The following ZNF517 variants were observed in gnomAD, a reference collection of about 807,000 sequenced individuals.
The protein encoded by ZNF517 is zinc finger protein 517.
Under a neutral mutation model 12.1 loss-of-function variants are expected in ZNF517, and 12 were observed. The ratio of observed to expected loss-of-function variants is 0.99; its 90% CI spans 0.63 to 1.61. The LOEUF (loss-of-function observed/expected upper bound fraction) is 1.61. Ranked by LOEUF, ZNF517 falls within the 40% of genes most tolerant of loss-of-function variation. The probability of loss-of-function intolerance (pLI) is 0.00; values close to 1 mark genes in which losing one functional copy is unlikely to be tolerated. For synonymous variants in ZNF517, 388 were observed against 310.2 expected (o/e 1.25, Z -2.63); for missense variants, 781 against 693.2 (o/e 1.13, Z -1.42).
intron 1 of ZNF517, chr8:144,800,479 T>TA (rs1458732968): frequency 3.8e-5 from 37 of 985,264 alleles, no homozygotes; most frequent in Non-Finnish European, 8.4e-6. Flanking sequence ...TTGCAGTTCT[T>TA]ACCAGAGTGG....
At position 144,803,708 on chromosome 8, in the gene ZNF517, A is replaced by G. The variant is rs746439504; in HGVS notation, c.101A>G (p.Asp34Gly). 3.0e-5 allele frequency: 49 copies of G among 1,614,002 alleles called. 1 individual carries two copies. Among genetic ancestry groups the G allele is most frequent in the Middle Eastern group, 1.6e-4 (1 of 6,082 alleles). Residue 34 changes from aspartate (D) to glycine (G), a missense_variant, in exon 3 of 5, where the codon GAC (aspartate) becomes GGC (glycine). Transcript: ENST00000359971. ...ATAGAGTGGAGTTGCCTGGCCCCCG[A>G]CCAGCAGGCACTCTACAGGGACGTG... ...TRIEWSCLAP[D>G]QQALYRDVML...
At chr8:144,810,317 G>A (rs1827514489), downstream of ZNF517, 7 of 562,050 alleles carry the variant, frequency 1.2e-5, no homozygotes, top group South Asian at 1.5e-4. Context: ...ACTCCATGAT[G>A]GGGGTGGGAA....
In ZNF517 at chr8:144,808,059, C is replaced by CCTG. The variant is rs745770451; in HGVS notation, c.1154_1156dup (p.Leu385dup). The stretch of plus-strand genomic sequence containing the variant: ...GCGGGAGGCCGTTCCGACACAACTC[C>CCTG]CTGCTGCTGCTGCACCTGCGCCTAC... On this transcript the variant is annotated inframe_insertion, in exon 5 of 5. Coordinates refer to ENST00000359971, the MANE Select transcript of ZNF517 (RefSeq NM_213605.3). The CCTG allele has an allele frequency of 2.7e-5, 44 of 1,607,532 alleles. No individual in the cohort carries two copies. The highest frequency in any genetic ancestry group is 8.0e-5 in the African/African-American group (6 of 74,750).
chr8:144,803,581 T>C, intron 2 of ZNF517, 60 bp from the exon 3 acceptor site: 1 of 1,599,526 alleles, frequency 6.3e-7, no homozygotes, highest in Non-Finnish European at 8.5e-7. Flanking sequence ...CAAATGTTTC[T>C]CATCTGCTGG....
chr8:144,810,994 C>T (rs1162853383), downstream of ZNF517: 4 of 151,738 alleles, frequency 2.6e-5, no homozygotes, highest in Non-Finnish European at 5.9e-5. Flanking sequence ...AACAGCCAGC[C>T]CAGGTTGAGT....
At chr8:144,812,905 A>G (rs1476991307), downstream of ZNF517, among the ~76,000 whole-genome samples, 1 of 152,218 alleles carries the variant, frequency 6.6e-6, no homozygotes, top group African/African-American at 2.4e-5. Context: ...AAGTTGCAGG[A>G]TACAAAATTA....
downstream of ZNF517, among the ~76,000 whole-genome samples, chr8:144,812,237 A>G (rs376155524): frequency 4.0e-4 from 44 of 110,344 alleles, no homozygotes; most frequent in Admixed American, 1.1e-3. Flanking sequence ...GACAGGGACA[A>G]TAAAGCTCAG....
At chr8:144,803,351 C>G in intron 2 of ZNF517, 1 of 479,360 alleles carries the variant, frequency 2.1e-6, no homozygotes. Flanking sequence ...TGCTCCTTCC[C>G]CAAATCCCTG....
Position 144,803,623 on chromosome 8 carries a change from C to CA in ZNF517, c.34-17dup, listed in dbSNP as rs751738319. 1 of 1,613,432 alleles carries CA rather than the reference C, an allele frequency of 6.2e-7. No homozygotes were observed. Among genetic ancestry groups the CA allele is most frequent in the African/African-American group, 1.3e-5 (1 of 74,910 alleles). The stretch of plus-strand genomic sequence containing the variant: ...ACCGAGCCCTTGACTGCCTGGATAG[C>CA]AGAGTATGTGGTTGCAGGAGGCGGT... On this transcript the variant is annotated splice_polypyrimidine_tract_variant and intron_variant, in intron 2 of 4. Transcript: ENST00000359971.
chr8:144,803,573 A>G (rs963173683), intron 2 of ZNF517, 68 bp from the exon 3 acceptor site: 17 of 1,591,214 alleles, frequency 1.1e-5, no homozygotes, highest in Admixed American at 3.4e-5. Flanking sequence ...AGATCATGCA[A>G]ATGTTTCTCA....
intron 1 of ZNF517, among the ~76,000 whole-genome samples, chr8:144,801,848 T>TAGTA (rs1826978198): frequency 6.6e-6 from 1 of 151,884 alleles, no homozygotes; most frequent in African/African-American, 2.4e-5. Flanking sequence ...CTGGGCAACA[T>TAGTA]AGTAAGACCT....
intron 4 of ZNF517, among the ~76,000 whole-genome samples, chr8:144,805,716 C>T (rs963724756): frequency 1.3e-5 from 2 of 151,578 alleles, no homozygotes; most frequent in African/African-American, 4.8e-5. Context: ...CCCGGGTTCA[C>T]GCCATTCTTC....
downstream of ZNF517, among the ~76,000 whole-genome samples, chr8:144,813,427 CAT>C (rs1468954706): frequency 5.3e-5 from 8 of 151,868 alleles, no homozygotes; most frequent in African/African-American, 1.9e-4. Context: ...AAAGTCATCT[CAT>C]GTTCATGGAT....
Position 144,808,531 on chromosome 8 carries a change from G to C in ZNF517, c.*136G>C. ...AAGGGCCAGCTCCCATCAGGAGCTC[G>C]GCTTCTTGCTCCAGCCGGGCACTGG... On this transcript the variant is annotated 3_prime_UTR_variant, in exon 5 of 5. Coordinates refer to ENST00000359971, the MANE Select transcript of ZNF517 (RefSeq NM_213605.3). The C allele has an allele frequency of 8.1e-7, 1 of 1,231,918 alleles. No individual in the cohort carries two copies. Among genetic ancestry groups the C allele is most frequent in the Admixed American group, 4.0e-5 (1 of 24,996 alleles). 76.3% of individuals were successfully genotyped at this position (1,231,918 alleles called of 1,614,324 possible). A position where few individuals can be genotyped will look rare whatever the true frequency, so the allele number is the denominator to read the frequency against.
Position 144,804,450 on chromosome 8 carries a change from T to G in ZNF517, c.274+212T>G, listed in dbSNP as rs535861773. 7.2e-5 allele frequency among the ~76,000 whole-genome samples: 11 copies of G among 152,270 alleles called. No homozygotes were observed. The East Asian group carries it at 1.9e-3, about 27-fold the overall frequency. On this transcript the variant is annotated intron_variant, in intron 4 of 4. Coordinates refer to ENST00000359971, the MANE Select transcript of ZNF517 (RefSeq NM_213605.3). ...CAAGTGCGAGAGTTTTCCATTTTGG[T>G]GTCCCCAAGGTGTCAGGGGCCGGGT...
chr8:144,802,948 G>A lies in ZNF517; in HGVS notation c.33+1G>A, dbSNP rs897300797. 6.2e-7 allele frequency: 1 copy of A among 1,613,916 alleles called. No homozygotes were observed. The highest frequency in any genetic ancestry group is 8.5e-7 in the Non-Finnish European group (1 of 1,179,938). ...GGCACTCCCGATGCCTGGACCTCAG[G>A]TGAGCACCCCCTGAGCCCGTCCATT... On this transcript the variant is annotated splice_donor_variant, in intron 2 of 4. Transcript: ENST00000359971. LOFTEE classifies it high-confidence loss of function.
rs546242054 is a variant in ZNF517, at chr8:144,803,730, C to T, written c.123C>T (p.Asp41=). ...CCGACCAGCAGGCACTCTACAGGGACGTGATGCTGGAGAACTATGGGAACC... is the reference window on the plus strand; with the variant it reads ...CCGACCAGCAGGCACTCTACAGGGATGTGATGCTGGAGAACTATGGGAACC... The part of the protein sequence containing the change: ...LAPDQQALYR[D]VMLENYGNLA... Residue 41 remains aspartate, a synonymous_variant, in exon 3 of 5, where the codon GAC becomes GAT. Transcript: ENST00000359971. The T allele has an allele frequency of 2.3e-4, 367 of 1,614,160 alleles. 4 individuals are homozygous for T. In the South Asian group the frequency reaches 3.5e-3, roughly 15 times the overall value.
Position 144,808,670 on chromosome 8 carries a change from G to A in ZNF517, c.*275G>A. The A allele has an allele frequency of 2.7e-6, 1 of 367,746 alleles. No homozygotes were observed. The highest frequency in any genetic ancestry group is 4.6e-5 in the East Asian group (1 of 21,784). 22.8% of individuals were successfully genotyped at this position (367,746 alleles called of 1,614,324 possible). A position where few individuals can be genotyped will look rare whatever the true frequency, so the allele number is the denominator to read the frequency against. On this transcript the variant is annotated 3_prime_UTR_variant, in exon 5 of 5. Coordinates refer to ENST00000359971, the MANE Select transcript of ZNF517 (RefSeq NM_213605.3). ...AGCGGGCAGAAGGGAGAGAGGGAGGGGCAGCTATGCTCAGTCCCCAAAGAG... is the reference window on the plus strand; with the variant it reads ...AGCGGGCAGAAGGGAGAGAGGGAGGAGCAGCTATGCTCAGTCCCCAAAGAG...
downstream of ZNF517, chr8:144,810,287 C>G (rs796502959): frequency 5.1e-6 from 3 of 592,472 alleles, no homozygotes; most frequent in African/African-American, 5.5e-5. Context: ...GATTGAGTTA[C>G]CTGCCCACTG....
Sources: gnomAD v4.1 joint callset for allele counts (sites outside exome capture counted in the v4.1 genomes callset) on GRCh38, gnomAD v4.1.1 for gene constraint, MANE v1.5 for transcripts, NCBI Gene and HGNC (gene_info 2026-07-23, HGNC 2026-07-21) for gene names.